LRRC1: variants seen among roughly 807,000 people sequenced by gnomAD.
The protein encoded by LRRC1 is leucine rich repeat containing 1.
In LRRC1, 28 loss-of-function variants were observed where a neutral mutation model predicts 69.9. The ratio of observed to expected loss-of-function variants is 0.40; its 90% CI spans 0.30 to 0.55. LRRC1 has a LOEUF of 0.55. LRRC1 is among the 20% of genes least tolerant of loss of function. The pLI is 0.47. For missense variants in LRRC1, 498 were observed against 609.0 expected (o/e 0.82, Z 1.92); for synonymous variants, 236 against 240.2 (o/e 0.98, Z 0.16).
At chr6:53,844,792 C>G (rs963646236) in intron 2 of LRRC1, among the ~76,000 whole-genome samples, 1 of 152,176 alleles carries the variant, frequency 6.6e-6, no homozygotes, top group Non-Finnish European at 1.5e-5. Context: ...TTAACCATTC[C>G]CTTCCCTTCT....
At chr6:53,862,414 C>T (rs923687306) in intron 2 of LRRC1, among the ~76,000 whole-genome samples, 10 of 151,794 alleles carry the variant, frequency 6.6e-5, no homozygotes, top group Non-Finnish European at 2.9e-5. Flanking sequence ...CATATGAAAC[C>T]TCACATTTAA....
chr6:53,808,671 T>C lies in LRRC1; in HGVS notation c.159+13256T>C, dbSNP rs557688058. On this transcript the variant is annotated intron_variant, in intron 1 of 13. Coordinates refer to ENST00000370888, the MANE Select transcript of LRRC1 (RefSeq NM_018214.5). Reference sequence around the variant, plus strand: ...GTGATTTGAAGTGATGCAGTCTAGCTCCAGATCCAGTGTTCCTTATCATGG... The same window carrying C: ...GTGATTTGAAGTGATGCAGTCTAGCCCCAGATCCAGTGTTCCTTATCATGG... Among the ~76,000 whole-genome samples the C allele has an allele frequency of 3.3e-5, 4 of 120,020 alleles. 1 individual carries two copies. The South Asian group carries it at 1.0e-3, about 31-fold the overall frequency. The allele number at this position is 120,020 out of a possible 152,430, so 78.7% of individuals were successfully genotyped here. A position where few individuals can be genotyped will look rare whatever the true frequency, so the allele number is the denominator to read the frequency against.
chr6:53,824,920 A>C (rs1765215169), intron 1 of LRRC1, among the ~76,000 whole-genome samples: 1 of 152,210 alleles, frequency 6.6e-6, no homozygotes, highest in Non-Finnish European at 1.5e-5. Flanking sequence ...GAGGACCCTG[A>C]CACATTTTAG....
chr6:53,800,947 C>T (rs1193877519), intron 1 of LRRC1, among the ~76,000 whole-genome samples: 5 of 152,174 alleles, frequency 3.3e-5, no homozygotes. Flanking sequence ...GCCAATAATA[C>T]ATTTTTTAAA....
Position 53,797,711 on chromosome 6 carries a change from A to C in LRRC1, c.159+2296A>C, listed in dbSNP as rs557965971. On this transcript the variant is annotated intron_variant, in intron 1 of 13. Transcript: ENST00000370888. ...CCCCTTACCAGGGCAGCAAAGATGC[A>C]CTCTCCAGGTTTCAGTGTAATAACA... 2.6e-5 allele frequency among the ~76,000 whole-genome samples: 4 copies of C among 152,222 alleles called. No individual in the cohort carries two copies. In the East Asian group the frequency reaches 7.7e-4, roughly 29 times the overall value.
rs542256140 is a variant in LRRC1, at chr6:53,800,955, A to T, written c.159+5540A>T. On this transcript the variant is annotated intron_variant, in intron 1 of 13. Coordinates refer to ENST00000370888, the MANE Select transcript of LRRC1 (RefSeq NM_018214.5). ...GTGCTTGGCCAATAATACATTTTTT[A>T]AAAAAATCACAGATTCTGTGACATC... Among the ~76,000 whole-genome samples the T allele has an allele frequency of 2.8e-4, 42 of 152,262 alleles. No homozygotes were observed. In the South Asian group the frequency reaches 4.1e-3, roughly 15 times the overall value.
Position 53,872,387 on chromosome 6 carries a change from G to A in LRRC1, c.278-6606G>A, listed in dbSNP as rs141614087. Among the ~76,000 whole-genome samples the A allele has an allele frequency of 2.7e-3, 418 of 152,280 alleles. 3 individuals carry two copies. Among genetic ancestry groups the A allele is most frequent in the African/African-American group, 9.5e-3 (394 of 41,550 alleles). On this transcript the variant is annotated intron_variant, in intron 2 of 13. Transcript: ENST00000370888. The stretch of plus-strand genomic sequence containing the variant: ...AAGCAGTATACACTGAACCCAATTT[G>A]TAGTGAGTGGATTTATTTCTGGGTT...
intron 1 of LRRC1, among the ~76,000 whole-genome samples, chr6:53,807,669 C>CGGGA (rs148914335): frequency 0.15 from 23,270 of 151,946 alleles, 1,873 homozygotes; most frequent in Non-Finnish European, 0.17. Flanking sequence ...TGCTTGAACC[C>CGGGA]GGGAGATGGA....
At chr6:53,918,417 A>G (rs914189531) in intron 11 of LRRC1, among the ~76,000 whole-genome samples, 1 of 152,254 alleles carries the variant, frequency 6.6e-6, no homozygotes, top group African/African-American at 2.4e-5. Flanking sequence ...AAGTTTGTTA[A>G]TAATGCATTT....
At chr6:53,917,086 A>C (rs1768589048) in intron 11 of LRRC1, among the ~76,000 whole-genome samples, 1 of 152,164 alleles carries the variant, frequency 6.6e-6, no homozygotes, top group African/African-American at 2.4e-5. Context: ...CCAAAAATGT[A>C]TTATTAGCTC....
intron 4 of LRRC1, among the ~76,000 whole-genome samples, chr6:53,885,290 G>T (rs901271191): frequency 2.0e-5 from 3 of 152,204 alleles, no homozygotes; most frequent in African/African-American, 7.2e-5. Context: ...CAAATTATTT[G>T]AAACTTGGAA....
At chr6:53,825,702 G>A (rs568767297) in intron 1 of LRRC1, among the ~76,000 whole-genome samples, 46 of 152,110 alleles carry the variant, frequency 3.0e-4, no homozygotes, top group Middle Eastern at 3.2e-3. Context: ...AGGCCCAGGA[G>A]TCTGATGATA....
chr6:53,892,540 G>A (rs2127434438), intron 4 of LRRC1, among the ~76,000 whole-genome samples: 1 of 152,290 alleles, frequency 6.6e-6, no homozygotes, highest in East Asian at 1.9e-4. Flanking sequence ...CTGCTCAGGA[G>A]CATGTTCCTT....
At chr6:53,867,635 G>A (rs1002039594) in intron 2 of LRRC1, among the ~76,000 whole-genome samples, 16 of 152,058 alleles carry the variant, frequency 1.1e-4, no homozygotes, top group Non-Finnish European at 2.2e-4. Context: ...TTAATGAAAA[G>A]TATGATTAAT....
chr6:53,920,520 C>G, intron 12 of LRRC1, 105 bp from the exon 13 acceptor site: 1 of 1,264,880 alleles, frequency 7.9e-7, no homozygotes, highest in Non-Finnish European at 1.1e-6. Context: ...TGGTGTTCTA[C>G]CCCTGGTCCT....
intron 10 of LRRC1, 101 bp from the exon 11 acceptor site, chr6:53,913,753 T>G: frequency 1.6e-6 from 1 of 641,674 alleles, no homozygotes; most frequent in East Asian, 2.6e-5. Context: ...TGGTATAAGT[T>G]TATGCATCCT....
chr6:53,882,007 A>C (rs1352230266), intron 3 of LRRC1, among the ~76,000 whole-genome samples: 3 of 152,216 alleles, frequency 2.0e-5, no homozygotes, highest in Non-Finnish European at 2.9e-5. Context: ...GTAAAACATA[A>C]AATTATTTCA....
intron 2 of LRRC1, among the ~76,000 whole-genome samples, chr6:53,844,511 C>T (rs552069187): frequency 5.7e-4 from 87 of 152,290 alleles, no homozygotes; most frequent in African/African-American, 2.0e-3. Flanking sequence ...ACATTTGTAG[C>T]TAGAAAGAAG....
At chr6:53,863,968 C>G (rs1766613739) in intron 2 of LRRC1, among the ~76,000 whole-genome samples, 2 of 151,226 alleles carry the variant, frequency 1.3e-5, no homozygotes, top group Admixed American at 1.3e-4. Flanking sequence ...GTGTCTCCGA[C>G]TAGAATTTGA....
Sources: gnomAD v4.1 joint callset for allele counts (sites outside exome capture counted in the v4.1 genomes callset) on GRCh38, gnomAD v4.1.1 for gene constraint, MANE v1.5 for transcripts, NCBI Gene and HGNC (gene_info 2026-07-23, HGNC 2026-07-21) for gene names.